Variants in TNS3 observed in about 807,000 individuals in gnomAD.
TNS3 encodes tensin 3.
Under a neutral mutation model 140.9 loss-of-function variants are expected in TNS3, and 45 were observed. The ratio of observed to expected loss-of-function variants is 0.32; its 90% CI spans 0.25 to 0.41. The LOEUF is 0.41. TNS3 is among the 10% of genes least tolerant of loss of function. The pLI is 1.00. For missense variants in TNS3, 1,716 were observed against 1,906.7 expected (o/e 0.90, Z 1.86); for synonymous variants, 815 against 788.4 (o/e 1.03, Z -0.56).
At position 47,303,134 on chromosome 7, in the gene TNS3, G is replaced by C; in HGVS notation, c.3273C>G (p.Thr1091=). 1 of 1,613,970 alleles carries C rather than the reference G, an allele frequency of 6.2e-7. No homozygotes were observed. The highest frequency in any genetic ancestry group is 8.5e-7 in the Non-Finnish European group (1 of 1,179,942). ...CAGGGAGGGGTGGCTGCCCGGGCAG[G>C]GTCACACCCTGGCCCTGCAGGCCTG... ...HSPGLQGQGV[T]LPGQPPLPEK... is the part of the protein sequence containing the mutation. Residue 1091 remains threonine, a synonymous_variant, in exon 22 of 31, where the codon ACC becomes ACG. Coordinates refer to ENST00000311160, the MANE Select transcript of TNS3 (RefSeq NM_022748.12).
intron 6 of TNS3, 104 bp downstream of exon 6, chr7:47,439,383 G>C: frequency 3.8e-6 from 5 of 1,315,100 alleles, no homozygotes; most frequent in Non-Finnish European, 5.2e-6. Context: ...CCAGGCCCTT[G>C]AGCTTCTCCC....
chr7:47,474,406 A>C (rs1201754357), intron 4 of TNS3, among the ~76,000 whole-genome samples: 1 of 146,216 alleles, frequency 6.8e-6, no homozygotes, highest in African/African-American at 2.7e-5. Context: ...TAAGCAACAC[A>C]TACACAAAAC....
Position 47,389,104 on chromosome 7 carries a change from GGAAGCAGAAGAAGAA to G in TNS3, c.1024+7681_1024+7695del, listed in dbSNP as rs1562675583. 1.3e-3 allele frequency among the ~76,000 whole-genome samples: 39 copies of G among 29,858 alleles called. 2 individuals carry two copies. Among genetic ancestry groups the G allele is most frequent in the Middle Eastern group, 0.036 (2 of 56 alleles). The allele number at this position is 29,858 out of a possible 152,430, so 19.6% of individuals were successfully genotyped here. ...AAGAAGAGGAAGAGGAAGAGGAAGC[GGAAGCAGAAGAAGAA>G]GAAGAAGAAGAAGAAGAAGAAGAAG... On this transcript the variant is annotated intron_variant, in intron 16 of 30. Transcript: ENST00000311160.
intron 2 of TNS3, among the ~76,000 whole-genome samples, chr7:47,520,194 T>C (rs936128487): frequency 6.6e-6 from 1 of 152,134 alleles, no homozygotes; most frequent in African/African-American, 2.4e-5. Context: ...GTGGGCTCCG[T>C]GAAGCACAGC....
chr7:47,402,355 T>G (rs1246278582), intron 13 of TNS3, among the ~76,000 whole-genome samples: 4 of 152,192 alleles, frequency 2.6e-5, no homozygotes, highest in Non-Finnish European at 4.4e-5. Context: ...GACTCAGGCC[T>G]GGCCTCCAGG....
chr7:47,347,969 A>T (rs1257547839), intron 17 of TNS3, among the ~76,000 whole-genome samples: 1 of 152,120 alleles, frequency 6.6e-6, no homozygotes, highest in Non-Finnish European at 1.5e-5. Context: ...TCACTACAGC[A>T]TCCTCATCCC....
At chr7:47,325,113 C>A (rs1378855852) in intron 20 of TNS3, among the ~76,000 whole-genome samples, 1 of 152,106 alleles carries the variant, frequency 6.6e-6, no homozygotes, top group Admixed American at 6.6e-5. Context: ...TCAACAGATG[C>A]ACAAAGAGGG....
intron 3 of TNS3, among the ~76,000 whole-genome samples, chr7:47,492,261 T>C (rs1481275880): frequency 6.6e-6 from 1 of 152,214 alleles, no homozygotes; most frequent in Non-Finnish European, 1.5e-5. Flanking sequence ...AGCTCTCTGT[T>C]TGGCCAGCAG....
intron 3 of TNS3, among the ~76,000 whole-genome samples, chr7:47,483,846 TGTC>T (rs1235489918): frequency 6.6e-6 from 1 of 152,258 alleles, no homozygotes; most frequent in Non-Finnish European, 1.5e-5. Context: ...CGCCCAATCT[TGTC>T]GAACTCCATC....
chr7:47,526,529 G>C (rs558940403), intron 2 of TNS3, among the ~76,000 whole-genome samples: 1 of 152,348 alleles, frequency 6.6e-6, no homozygotes, highest in African/African-American at 2.4e-5. Context: ...CCTAGACCCA[G>C]AGTGAGGAGA....
intron 16 of TNS3, among the ~76,000 whole-genome samples, chr7:47,374,340 C>T (rs1791253247): frequency 6.6e-6 from 1 of 152,182 alleles, no homozygotes; most frequent in Non-Finnish European, 1.5e-5. Context: ...CTCCTTTATC[C>T]TCCTGCCACC....
chr7:47,551,705 A>G (rs180981131), intron 1 of TNS3, among the ~76,000 whole-genome samples: 38 of 152,332 alleles, frequency 2.5e-4, no homozygotes, highest in Non-Finnish European at 3.2e-4. Flanking sequence ...GAGAGAAACA[A>G]CACCCCACAC....
intron 4 of TNS3, among the ~76,000 whole-genome samples, chr7:47,474,952 C>T (rs1398371708): frequency 6.6e-6 from 1 of 150,608 alleles, no homozygotes; most frequent in Non-Finnish European, 1.5e-5. Context: ...CAATACAACA[C>T]ATGCAACACA....
At chr7:47,342,069 A>C (rs1169910768) in intron 20 of TNS3, among the ~76,000 whole-genome samples, 1 of 152,066 alleles carries the variant, frequency 6.6e-6, no homozygotes, top group Non-Finnish European at 1.5e-5. Context: ...TGGTTGGAGA[A>C]CATGTTCTGC....
chr7:47,497,697 A>G (rs955035), intron 3 of TNS3, among the ~76,000 whole-genome samples: 1,956 of 148,426 alleles, frequency 0.013, 38 homozygotes, highest in Middle Eastern at 0.045. Flanking sequence ...ACACACACAC[A>G]GAGCAGGAAA....
chr7:47,288,993 C>T (rs1052949979), intron 27 of TNS3, among the ~76,000 whole-genome samples: 1 of 152,152 alleles, frequency 6.6e-6, no homozygotes, highest in African/African-American at 2.4e-5. Flanking sequence ...CAATTTGGGG[C>T]AAGCTATTTT....
In TNS3 at chr7:47,439,719, T is replaced by C. The variant is rs1332577074; in HGVS notation, c.-22-61A>G. The C allele has an allele frequency of 3.8e-6, 6 of 1,567,910 alleles. No individual in the cohort carries two copies. The South Asian group carries it at 5.8e-5, about 15-fold the overall frequency. ...AAGGAGGCAGCAGACATTCATCCTC[T>C]AGGAAAAAGGTGAAGACGACGGACA... On this transcript the variant is annotated intron_variant, in intron 5 of 30. Transcript: ENST00000311160.
chr7:47,279,839 C>G, intron 30 of TNS3: 1 of 398,518 alleles, frequency 2.5e-6, no homozygotes, highest in South Asian at 2.9e-5. Context: ...GCAATTCCTT[C>G]TAGCTGTGCA....
Position 47,456,393 on chromosome 7 carries a change from G to A in TNS3, c.-75-14338C>T, listed in dbSNP as rs1459760789. Among the ~76,000 whole-genome samples the A allele has an allele frequency of 1.1e-4, 16 of 152,130 alleles. No individual in the cohort carries two copies. The East Asian group carries it at 1.5e-3, about 15-fold the overall frequency. The stretch of plus-strand genomic sequence containing the variant: ...ATTCACCAGCAACCCCGTGATATTC[G>A]TCCTCTAGAAGCCTCAGATTCCCCA... On this transcript the variant is annotated intron_variant, in intron 4 of 30. Transcript: ENST00000311160.
Sources: gnomAD v4.1 joint callset for allele counts (sites outside exome capture counted in the v4.1 genomes callset) on GRCh38, gnomAD v4.1.1 for gene constraint, MANE v1.5 for transcripts, NCBI Gene and HGNC (gene_info 2026-07-23, HGNC 2026-07-21) for gene names.